Variants in CLEC16A observed in about 807,000 individuals in gnomAD.
CLEC16A encodes the protein C-type lectin domain containing 16A.
A neutral mutation model predicts 109.5 loss-of-function variants in CLEC16A; 51 were observed. The ratio of observed to expected loss-of-function variants is 0.47; its 90% CI spans 0.37 to 0.59. The LOEUF (loss-of-function observed/expected upper bound fraction) is 0.59, where lower values mean the gene tolerates loss of function less well. Ranked by LOEUF, CLEC16A falls within the 20% of genes least tolerant of loss-of-function variation. The pLI, the probability that CLEC16A is intolerant of heterozygous loss-of-function variation, is 0.00. For synonymous variants in CLEC16A, 673 were observed against 564.2 expected (o/e 1.19, Z -2.73); for missense variants, 1,339 against 1,394.0 (o/e 0.96, Z 0.63).
At chr16:11,040,344 A>G (rs1170595111) in intron 14 of CLEC16A, 1 of 161,128 alleles carries the variant, frequency 6.2e-6, no homozygotes, top group African/African-American at 2.4e-5. Context: ...ATGCGCTTGG[A>G]GAAAAACTCA....
intron 5 of CLEC16A, chr16:10,971,503 A>G (rs989189092): frequency 4.2e-5 from 41 of 974,490 alleles, no homozygotes; most frequent in East Asian, 1.1e-4. Flanking sequence ...CAGAGTGGCT[A>G]TGTTTTAGAA....
At chr16:11,038,919 C>T (rs1021997776) in intron 13 of CLEC16A, among the ~76,000 whole-genome samples, 1 of 152,168 alleles carries the variant, frequency 6.6e-6, no homozygotes, top group African/African-American at 2.4e-5. Flanking sequence ...TCACCTGGCT[C>T]ACAACTTGAT....
chr16:11,020,253 T>C lies in CLEC16A; in HGVS notation c.1364T>C (p.Val455Ala). The change falls in exon 12 of 24, where the codon GTG becomes GCG. Residue 455 changes from valine to alanine, a missense_variant. Physicochemically the swap from Val to Ala is moderately conservative, Grantham distance 64. Transcript: ENST00000409790. ...KLSELAASTS[V>A]QEQNTTDEEK... ...TCAGAGCTGGCCGCCAGCACCTCCG[T>C]GCAGGAGCAGAACACCACGGACGAG... 2.5e-6 allele frequency: 4 copies of C among 1,613,860 alleles called. No individual in the cohort carries two copies. Among genetic ancestry groups the C allele is most frequent in the Non-Finnish European group, 3.4e-6 (4 of 1,179,812 alleles).
intron 19 of CLEC16A, among the ~76,000 whole-genome samples, chr16:11,110,316 G>A (rs934573515): frequency 2.0e-5 from 3 of 152,194 alleles, no homozygotes; most frequent in African/African-American, 7.2e-5. Context: ...GGACAGGGAT[G>A]CTTCAACACA....
intron 10 of CLEC16A, among the ~76,000 whole-genome samples, chr16:10,992,713 G>A (rs550732488): frequency 7.9e-5 from 12 of 152,056 alleles, no homozygotes; most frequent in Non-Finnish European, 1.3e-4. Flanking sequence ...TCGAGTAATT[G>A]TTGAGCCCCT....
intron 22 of CLEC16A, among the ~76,000 whole-genome samples, chr16:11,138,746 T>G (rs2053686554): frequency 6.6e-6 from 1 of 152,176 alleles, no homozygotes; most frequent in African/African-American, 2.4e-5. Flanking sequence ...CTGGAGTGTT[T>G]TTCATTTTAG....
intron 11 of CLEC16A, among the ~76,000 whole-genome samples, chr16:11,006,131 T>C (rs2044992443): frequency 6.6e-6 from 1 of 152,132 alleles, no homozygotes; most frequent in Admixed American, 6.5e-5. Context: ...GGCCAGCAAG[T>C]GGAGAGGGGG....
intron 19 of CLEC16A, among the ~76,000 whole-genome samples, chr16:11,116,577 A>G (rs1305946038): frequency 6.6e-6 from 1 of 152,204 alleles, no homozygotes; most frequent in African/African-American, 2.4e-5. Context: ...AATCTCAGAC[A>G]GGTTACACTG....
intron 1 of CLEC16A, among the ~76,000 whole-genome samples, chr16:10,949,229 G>A (rs1268497945): frequency 1.3e-5 from 2 of 152,136 alleles, no homozygotes; most frequent in African/African-American, 4.8e-5. Flanking sequence ...GTTAGAGCTT[G>A]GGGTACAATA....
At chr16:11,169,152 A>G (rs1328910344) in intron 23 of CLEC16A, among the ~76,000 whole-genome samples, 1 of 152,234 alleles carries the variant, frequency 6.6e-6, no homozygotes, top group Non-Finnish European at 1.5e-5. Context: ...GTGCTAAGTC[A>G]GAGGCGATCC....
intron 15 of CLEC16A, 146 bp downstream of exon 15, chr16:11,042,509 C>G (rs1478659175): frequency 1.6e-5 from 9 of 576,262 alleles, no homozygotes; most frequent in South Asian, 4.5e-5. Flanking sequence ...TCTCTTGAGA[C>G]CCCACTCCAA....
At chr16:11,107,021 G>A (rs1369845832) in intron 19 of CLEC16A, among the ~76,000 whole-genome samples, 1 of 152,170 alleles carries the variant, frequency 6.6e-6, no homozygotes, top group Non-Finnish European at 1.5e-5. Flanking sequence ...TCTTAACAGT[G>A]CTCTGCCGGT....
Position 10,962,494 on chromosome 16 carries a change from C to T in CLEC16A, c.249C>T (p.Asn83=). ...AGAATATGTTTGTTTTCTTCTTGAA[C>T]ATCTTGCGGCAAAAGTCGGGCCGTT... ...LEKNMFVFFL[N]ILRQKSGRYV... Residue 83 remains asparagine (N), a synonymous_variant, in exon 3 of 24, where the codon AAC becomes AAT. Transcript: ENST00000409790. 1.2e-6 allele frequency: 2 copies of T among 1,613,942 alleles called. No individual in the cohort carries two copies. Among genetic ancestry groups the T allele is most frequent in the East Asian group, 2.2e-5 (1 of 44,882 alleles).
chr16:10,950,770 C>A (rs760622759), intron 1 of CLEC16A, among the ~76,000 whole-genome samples: 2 of 152,210 alleles, frequency 1.3e-5, no homozygotes, highest in Non-Finnish European at 2.9e-5. Context: ...TCTGTGTCTC[C>A]CATCCCTCTA....
intron 22 of CLEC16A, among the ~76,000 whole-genome samples, chr16:11,129,908 G>A (rs752788582): frequency 5.3e-5 from 8 of 151,946 alleles, no homozygotes; most frequent in South Asian, 2.1e-4. Context: ...TACTACAGGC[G>A]CCCACCACCA....
At chr16:11,103,657 G>A (rs1233449946) in intron 19 of CLEC16A, among the ~76,000 whole-genome samples, 3 of 152,160 alleles carry the variant, frequency 2.0e-5, no homozygotes, top group Admixed American at 2.0e-4. Context: ...TCTTCCAGCA[G>A]TCTACATCCT....
chr16:10,991,514 A>G (rs1004921931), intron 10 of CLEC16A, among the ~76,000 whole-genome samples: 8 of 152,150 alleles, frequency 5.3e-5, no homozygotes, highest in East Asian at 1.9e-4. Context: ...GCAAAGGGCA[A>G]TGTGGCAAGG....
intron 22 of CLEC16A, among the ~76,000 whole-genome samples, chr16:11,156,018 C>G (rs964675823): frequency 6.6e-6 from 1 of 152,166 alleles, no homozygotes; most frequent in African/African-American, 2.4e-5. Flanking sequence ...TGCTTCTGGC[C>G]AAAAAGGTCA....
chr16:11,110,034 A>G (rs2051478487), intron 19 of CLEC16A, among the ~76,000 whole-genome samples: 1 of 152,222 alleles, frequency 6.6e-6, no homozygotes, highest in Non-Finnish European at 1.5e-5. Context: ...GGATTATTAA[A>G]ATACAGCAAA....
Sources: allele counts gnomAD v4.1 joint callset (sites outside exome capture counted in the v4.1 genomes callset), GRCh38; gene constraint gnomAD v4.1.1; transcripts MANE v1.5; gene names NCBI Gene and HGNC (gene_info 2026-07-23, HGNC 2026-07-21).